Variants in VWC2L observed in about 807,000 individuals in gnomAD.
VWC2L encodes von Willebrand factor C domain-containing protein 2-like.
Under a neutral mutation model 21.6 loss-of-function variants are expected in VWC2L, and 10 were observed. That is an observed-to-expected ratio of 0.46 (90% CI 0.29 to 0.78). The LOEUF (loss-of-function observed/expected upper bound fraction) is 0.78. VWC2L is among the 30% of genes least tolerant of loss of function. VWC2L has a pLI of 0.10. For synonymous variants in VWC2L, 96 were observed against 94.3 expected (o/e 1.02, Z -0.10); for missense variants, 209 against 277.1 (o/e 0.75, Z 1.74).
At chr2:214,538,901 T>G (rs1214622249) in intron 3 of VWC2L, among the ~76,000 whole-genome samples, 2 of 152,088 alleles carry the variant, frequency 1.3e-5, no homozygotes, top group Non-Finnish European at 2.9e-5. Flanking sequence ...AGAGACGAAT[T>G]AGCTGTCTAG....
At chr2:214,445,445 C>T (rs906341555) in intron 3 of VWC2L, among the ~76,000 whole-genome samples, 1 of 151,610 alleles carries the variant, frequency 6.6e-6, no homozygotes, top group Non-Finnish European at 1.5e-5. Flanking sequence ...GCATTTCCCT[C>T]ACAAATATGT....
At chr2:214,559,163 AC>A (rs1393094279) in intron 3 of VWC2L, among the ~76,000 whole-genome samples, 1 of 152,048 alleles carries the variant, frequency 6.6e-6, no homozygotes, top group East Asian at 1.9e-4. Context: ...CAACCCCATC[AC>A]AAAGTGGGCG....
intron 3 of VWC2L, among the ~76,000 whole-genome samples, chr2:214,562,650 T>C (rs1248860199): frequency 6.6e-6 from 1 of 152,218 alleles, no homozygotes; most frequent in Non-Finnish European, 1.5e-5. Context: ...ATCTTTTTAA[T>C]AATTGACTTT....
rs561081603 is a variant in VWC2L, at chr2:214,430,853, T to A, written c.391-5776T>A. Among the ~76,000 whole-genome samples the A allele has an allele frequency of 1.6e-4, 25 of 152,346 alleles. No homozygotes were observed. The East Asian group carries it at 4.2e-3, about 26-fold the overall frequency. ...AAAACTCTGTGCATCTGCTTTTTTTTATTTGCTTCCTCAGTATTAAAATTC... is the reference window on the plus strand; with the variant it reads ...AAAACTCTGTGCATCTGCTTTTTTTAATTTGCTTCCTCAGTATTAAAATTC... On this transcript the variant is annotated intron_variant, in intron 2 of 3. Coordinates refer to ENST00000312504, the MANE Select transcript of VWC2L (RefSeq NM_001080500.4).
At chr2:214,475,985 C>T (rs1363128533) in intron 3 of VWC2L, among the ~76,000 whole-genome samples, 1 of 152,160 alleles carries the variant, frequency 6.6e-6, no homozygotes, top group Non-Finnish European at 1.5e-5. Flanking sequence ...AGCCGCAAAA[C>T]AATTGATGAA....
chr2:214,482,477 GTGTATGTA>G (rs60896750), intron 3 of VWC2L, among the ~76,000 whole-genome samples: 3 of 150,324 alleles, frequency 2.0e-5, no homozygotes, highest in Admixed American at 6.6e-5. Context: ...ACATATATAC[GTGTATGTA>G]TGTATGTATG....
At chr2:214,449,371 A>G (rs1378732645) in intron 3 of VWC2L, among the ~76,000 whole-genome samples, 1 of 152,236 alleles carries the variant, frequency 6.6e-6, no homozygotes, top group Non-Finnish European at 1.5e-5. Flanking sequence ...GATTTGAAAC[A>G]TTTTGGTAAA....
At chr2:214,447,700 G>A (rs1338846055) in intron 3 of VWC2L, among the ~76,000 whole-genome samples, 1 of 152,100 alleles carries the variant, frequency 6.6e-6, no homozygotes, top group South Asian at 2.1e-4. Context: ...GCCTCTAGAA[G>A]GTTATCCCTC....
chr2:214,491,926 CCT>C (rs560192065), intron 3 of VWC2L, among the ~76,000 whole-genome samples: 17 of 152,168 alleles, frequency 1.1e-4, no homozygotes, highest in Non-Finnish European at 2.2e-4. Context: ...TTTCTGGTTG[CCT>C]CTCAGTTATG....
intron 3 of VWC2L, among the ~76,000 whole-genome samples, chr2:214,561,700 G>C (rs1042011302): frequency 6.6e-6 from 1 of 151,064 alleles, no homozygotes; most frequent in Non-Finnish European, 1.5e-5. Flanking sequence ...ACCTGAGCCT[G>C]GGAGATCAAG....
intron 3 of VWC2L, among the ~76,000 whole-genome samples, chr2:214,511,721 A>G (rs1229392354): frequency 6.6e-6 from 1 of 151,976 alleles, no homozygotes; most frequent in Non-Finnish European, 1.5e-5. Flanking sequence ...CATCTGAAAA[A>G]TATATATTTC....
chr2:214,565,930 G>T (rs1018056014), intron 3 of VWC2L, among the ~76,000 whole-genome samples: 1 of 152,102 alleles, frequency 6.6e-6, no homozygotes, highest in Non-Finnish European at 1.5e-5. Context: ...CTGAAACGTG[G>T]ACAGTCTGGC....
At position 214,414,361 on chromosome 2, in the gene VWC2L, C is replaced by G. The variant is rs1196561751; in HGVS notation, c.168C>G (p.Asp56Glu). The G allele has an allele frequency of 3.7e-6, 6 of 1,613,584 alleles. No homozygotes were observed. The African/African-American group carries it at 4.0e-5, about 11-fold the overall frequency. Reference protein sequence around the residue: ...DDYRGKGCVDDSGFVYKLGER... With the variant: ...DDYRGKGCVDESGFVYKLGER... ...ATCGAGGGAAAGGGTGTGTCGATGA[C>G]AGCGGCTTTGTATACAAGTTGGGAG... is the stretch of plus-strand genomic sequence containing the variant. The change falls in exon 2 of 4, where the codon GAC becomes GAG. Residue 56 changes from aspartate (D) to glutamate (E), a missense_variant. Physicochemically the swap from Asp to Glu is conservative, Grantham distance 45. Coordinates refer to ENST00000312504, the MANE Select transcript of VWC2L (RefSeq NM_001080500.4).
rs1056782271 is a variant in VWC2L, at chr2:214,414,412, C to T, written c.219C>T (p.Asn73=). ...LGERFFPGHS[N]CPCVCALDGP... is the part of the protein sequence containing the mutation. ...AACGATTTTTCCCTGGGCATTCCAACTGTCCATGTGTCTGTGCTCTAGATG... is the reference window on the plus strand; with the variant it reads ...AACGATTTTTCCCTGGGCATTCCAATTGTCCATGTGTCTGTGCTCTAGATG... The change falls in exon 2 of 4, where the codon AAC becomes AAT. Residue 73 remains asparagine (N), a synonymous_variant. Coordinates refer to ENST00000312504, the MANE Select transcript of VWC2L (RefSeq NM_001080500.4). 1 of 1,613,686 alleles carries T rather than the reference C, an allele frequency of 6.2e-7. No individual in the cohort carries two copies. Among genetic ancestry groups the T allele is most frequent in the Non-Finnish European group, 8.5e-7 (1 of 1,179,734 alleles).
chr2:214,422,448 A>T (rs7563065), intron 2 of VWC2L, among the ~76,000 whole-genome samples: 1 of 151,970 alleles, frequency 6.6e-6, no homozygotes, highest in African/African-American at 2.4e-5. Context: ...CCTGCATCTT[A>T]ATTTATACAT....
At chr2:214,571,171 T>C (rs1690143938) in intron 3 of VWC2L, among the ~76,000 whole-genome samples, 1 of 152,172 alleles carries the variant, frequency 6.6e-6, no homozygotes, top group African/African-American at 2.4e-5. Context: ...ACTTCTAAAT[T>C]CTGATCAGAA....
At chr2:214,499,340 T>C (rs1688859040) in intron 3 of VWC2L, among the ~76,000 whole-genome samples, 1 of 152,104 alleles carries the variant, frequency 6.6e-6, no homozygotes, top group Non-Finnish European at 1.5e-5. Context: ...TTCTTTCAGA[T>C]AAAATTGAAG....
chr2:214,544,781 C>T (rs1689680035), intron 3 of VWC2L, among the ~76,000 whole-genome samples: 1 of 152,038 alleles, frequency 6.6e-6, no homozygotes, highest in South Asian at 2.1e-4. Flanking sequence ...TTCTATTATG[C>T]TATAGGGTAT....
intron 3 of VWC2L, among the ~76,000 whole-genome samples, chr2:214,535,247 G>A (rs537288020): frequency 6.6e-6 from 1 of 152,116 alleles, no homozygotes; most frequent in African/African-American, 2.4e-5. Context: ...TTTTCTCAAA[G>A]CATCTTTTGC....
Sources: allele counts gnomAD v4.1 joint callset (sites outside exome capture counted in the v4.1 genomes callset), GRCh38; gene constraint gnomAD v4.1.1; transcripts MANE v1.5; gene names NCBI Gene and HGNC (gene_info 2026-07-23, HGNC 2026-07-21).